Variants in SEPTIN3 observed in about 807,000 individuals in gnomAD.
SEPTIN3 encodes the protein neuronal-specific septin-3.
A neutral mutation model predicts 45.1 loss-of-function variants in SEPTIN3; 15 were observed. That is an observed-to-expected ratio of 0.33 (90% confidence interval 0.22 to 0.51). The LOEUF is 0.51. Among genes scored for constraint, SEPTIN3 ranks in the 20% least tolerant of loss-of-function variants. The pLI, the probability that SEPTIN3 is intolerant of heterozygous loss-of-function variation, is 0.97. For missense variants in SEPTIN3, 289 were observed against 457.2 expected, an observed-to-expected ratio of 0.63 and a Z score of 3.35; for synonymous variants, 148 against 164.8, an observed-to-expected ratio of 0.90 and a Z score of 0.78.
chr22:41,992,138 G>A (rs934521933), intron 8 of SEPTIN3, among the ~76,000 whole-genome samples: 22 of 152,168 alleles, frequency 1.4e-4, no homozygotes, highest in African/African-American at 5.3e-4. Flanking sequence ...CAGCACTTTG[G>A]GAGGCCTAGG....
In SEPTIN3 at chr22:41,998,088, T is replaced by C. The variant is rs1223459694; in HGVS notation, c.*1121T>C. On this transcript the variant is annotated 3_prime_UTR_variant, in exon 12 of 12. Transcript: ENST00000644076. ...CAACCCGTTTCTTAAATGTTACCAG[T>C]CCCAGCCAATCTTACGGTGACATTA... 1 of 152,668 alleles carries C rather than the reference T, an allele frequency of 6.6e-6. No homozygotes were observed. Among genetic ancestry groups the C allele is most frequent in the Admixed American group, 6.5e-5 (1 of 15,290 alleles). 9.5% of individuals were successfully genotyped at this position (152,668 alleles called of 1,614,324 possible). A position where few individuals can be genotyped will look rare whatever the true frequency, so the allele number is the denominator to read the frequency against.
rs941672706 is a variant in SEPTIN3, at chr22:41,991,416, T to G, written c.2164-157T>G. Reference sequence around the variant, plus strand: ...AGCTGGGGCTTGCATTTATTCACCATCTTCCTGCTGCTCAGGGTCTCAGAG... The same window carrying G: ...AGCTGGGGCTTGCATTTATTCACCAGCTTCCTGCTGCTCAGGGTCTCAGAG... On this transcript the variant is annotated intron_variant, in intron 7 of 11. Transcript: ENST00000644076. Among the ~76,000 whole-genome samples the G allele has an allele frequency of 3.9e-5, 6 of 152,288 alleles. No homozygotes were observed. The South Asian group carries it at 6.2e-4, about 16-fold the overall frequency.
chr22:41,977,399 TGA>T (rs1264366722), intron 2 of SEPTIN3, among the ~76,000 whole-genome samples: 2 of 151,852 alleles, frequency 1.3e-5, no homozygotes, highest in Admixed American at 1.3e-4. Context: ...GCCAGCCGGA[TGA>T]GAGACCTGTG....
intron 11 of SEPTIN3, chr22:41,995,775 C>T (rs1357736750): frequency 1.0e-6 from 1 of 960,418 alleles, no homozygotes; most frequent in East Asian, 1.1e-4. Flanking sequence ...CCTGAGCTCA[C>T]AGGCAGCCAA....
intron 4 of SEPTIN3, among the ~76,000 whole-genome samples, chr22:41,986,523 G>A (rs552414429): frequency 9.2e-5 from 14 of 151,910 alleles, no homozygotes; most frequent in Admixed American, 7.9e-4. Flanking sequence ...TTTTTGAGAC[G>A]GAGTCTTGCT....
At position 41,987,733 on chromosome 22, in the gene SEPTIN3, T is replaced by C. The variant is rs1029498668; in HGVS notation, c.2019T>C (p.Leu673=). 2 of 1,613,768 alleles carry C rather than the reference T, an allele frequency of 1.2e-6. No homozygotes were observed. Among genetic ancestry groups the C allele is most frequent in the Non-Finnish European group, 1.7e-6 (2 of 1,179,834 alleles). Residue 673 remains leucine (L), a synonymous_variant, in exon 6 of 12, where the codon CTT becomes CTC. Coordinates refer to ENST00000644076, the MANE Select transcript of SEPTIN3 (RefSeq NM_001363845.2). ...RIPDTRVHCC[L]YFISPTGHSL... ...CTGACACTCGTGTCCACTGCTGCCT[T>C]TACTTCATCTCTCCCACAGGACACT...
rs1325107007 is a variant in SEPTIN3 at position 41,971,640 on chromosome 22, C to G, written c.148C>G (p.Leu50Val). ...PGGGSPLTPVLRKTIHLDTFP... is the reference protein window; with the variant it reads ...PGGGSPLTPVVRKTIHLDTFP... ...AGGAGGGTCCCCCCTCACCCCCGTC[C>G]TCAGGAAGACCATCCATCTGGATAC... Residue 50 changes from leucine to valine, a missense_variant, in exon 2 of 12, where the codon CTC becomes GTC. Transcript: ENST00000644076. The G allele has an allele frequency of 2.5e-6, 1 of 398,978 alleles. No homozygotes were observed. Among genetic ancestry groups the G allele is most frequent in the African/African-American group, 2.1e-5 (1 of 48,594 alleles). 24.7% of individuals were successfully genotyped at this position (398,978 alleles called of 1,614,324 possible). A position where few individuals can be genotyped will look rare whatever the true frequency, so the allele number is the denominator to read the frequency against.
At position 41,987,197 on chromosome 22, in the gene SEPTIN3, C is replaced by T. The variant is rs1218964880; in HGVS notation, c.1826-9C>T. 6 of 1,610,418 alleles carry T rather than the reference C, an allele frequency of 3.7e-6. No individual in the cohort carries two copies. In the African/African-American group the frequency reaches 6.7e-5, roughly 18 times the overall value. On this transcript the variant is annotated splice_polypyrimidine_tract_variant and intron_variant, in intron 4 of 11. Coordinates refer to ENST00000644076, the MANE Select transcript of SEPTIN3 (RefSeq NM_001363845.2). ...TGACCTCTCTGGTACATTTTCTTTT[C>T]ACCCCCAGTGATAGAGGAAGGCGGT...
At position 41,976,794 on chromosome 22, in the gene SEPTIN3, A is replaced by AGCG. The variant is rs1490234679; in HGVS notation, c.1504+3807_1504+3809dup. ...CGCGCGGTCACGTGGTGCGGGTGGC[A>AGCG]GCGGCGGCGGCTGGCGGCGGCGGCA... On this transcript the variant is annotated intron_variant, in intron 2 of 11. Transcript: ENST00000644076. This position sits in a 1 kb window ranked among gnomAD's most constrained non-coding sequence, Gnocchi z 5.8. 1.3e-5 allele frequency: 2 copies of AGCG among 148,626 alleles called. No individual in the cohort carries two copies. The highest frequency in any genetic ancestry group is 2.0e-4 in the East Asian group (1 of 5,112). The allele number at this position is 148,626 out of a possible 1,614,324, so 9.2% of individuals were successfully genotyped here. A position where few individuals can be genotyped will look rare whatever the true frequency, so the allele number is the denominator to read the frequency against.
intron 1 of SEPTIN3, among the ~76,000 whole-genome samples, chr22:41,971,256 G>T (rs972987935): frequency 1.3e-5 from 2 of 152,266 alleles, no homozygotes; most frequent in South Asian, 4.1e-4. Flanking sequence ...TGGCCGGGGT[G>T]GGGTAGGTAT....
intron 3 of SEPTIN3, chr22:41,985,737 T>C (rs550863827): frequency 9.7e-4 from 329 of 340,412 alleles, no homozygotes; most frequent in African/African-American, 6.6e-3. Flanking sequence ...CTTTTCCCAG[T>C]GGTCCTGTGG....
At position 41,977,131 on chromosome 22, in the gene SEPTIN3, A is replaced by C. The variant is rs973374025; in HGVS notation, c.1504+4135A>C. On this transcript the variant is annotated intron_variant, in intron 2 of 11. Coordinates refer to ENST00000644076, the MANE Select transcript of SEPTIN3 (RefSeq NM_001363845.2). ...CCAGGAGGAGGCTGCGGCCCCGGCC[A>C]GCGCGGCTGGAGGCGCTCCTGGGGG... The C allele has an allele frequency of 2.6e-6, 4 of 1,554,176 alleles. No individual in the cohort carries two copies. In the African/African-American group the frequency reaches 4.2e-5, roughly 16 times the overall value.
At position 41,997,006 on chromosome 22, in the gene SEPTIN3, A is replaced by G; in HGVS notation, c.*39A>G. ...CGCTGCTTCTCACTCCATTCCTCTC[A>G]GCTGTTATTGCTGCAGGGCCAAGCC... On this transcript the variant is annotated 3_prime_UTR_variant, in exon 12 of 12. Transcript: ENST00000644076. The G allele has an allele frequency of 6.2e-7, 1 of 1,613,544 alleles. No homozygotes were observed. Among genetic ancestry groups the G allele is most frequent in the Non-Finnish European group, 8.5e-7 (1 of 1,179,760 alleles).
chr22:41,995,007 T>G (rs1276585477), intron 11 of SEPTIN3: 1 of 1,294,128 alleles, frequency 7.7e-7, no homozygotes, highest in African/African-American at 1.5e-5. Context: ...CCCTTGTAAG[T>G]TTGGCTCCTC....
chr22:41,977,052 C>CA, intron 2 of SEPTIN3: 1 of 1,601,448 alleles, frequency 6.2e-7, no homozygotes, highest in Non-Finnish European at 8.5e-7. Flanking sequence ...GGAACGGAGA[C>CA]AAAGGAGGAT....
chr22:41,973,689 A>T (rs1451337335), intron 2 of SEPTIN3, among the ~76,000 whole-genome samples: 3 of 151,544 alleles, frequency 2.0e-5, no homozygotes, highest in African/African-American at 7.3e-5. Context: ...ATAAAAAAAT[A>T]AAAAATAAGG....
In SEPTIN3 at chr22:41,971,831, C is replaced by T. The variant is rs112395139; in HGVS notation, c.339C>T (p.Leu113=). The T allele has an allele frequency of 1.3e-3, 507 of 399,354 alleles. 2 individuals are homozygous for T. Among genetic ancestry groups the T allele is most frequent in the African/African-American group, 9.4e-3 (456 of 48,764 alleles). The allele number at this position is 399,354 out of a possible 1,614,324, so 24.7% of individuals were successfully genotyped here. Residue 113 remains leucine, a synonymous_variant, in exon 2 of 12, where the codon CTC becomes CTT. Coordinates refer to ENST00000644076, the MANE Select transcript of SEPTIN3 (RefSeq NM_001363845.2). ...PRKLSSISLT[L]HQNSQARSLD... ...AGCTCAGCTCCATCTCCTTGACTCTCCATCAGAACAGCCAGGCACGGTCCC... is the reference window on the plus strand; with the variant it reads ...AGCTCAGCTCCATCTCCTTGACTCTTCATCAGAACAGCCAGGCACGGTCCC...
chr22:41,996,790 T>TA (rs2078448594), intron 11 of SEPTIN3, 112 bp from the exon 12 acceptor site: 1 of 1,547,698 alleles, frequency 6.5e-7, no homozygotes, highest in Non-Finnish European at 8.7e-7. Flanking sequence ...TGAGTAGGAA[T>TA]GGTGCCTGGC....
intron 3 of SEPTIN3, among the ~76,000 whole-genome samples, chr22:41,982,432 C>T (rs1053416138): frequency 6.6e-6 from 1 of 152,170 alleles, no homozygotes. Flanking sequence ...CGCTCGAACC[C>T]GGGAGGTGGA....
Sources: allele counts gnomAD v4.1 joint callset (sites outside exome capture counted in the v4.1 genomes callset), GRCh38; gene constraint gnomAD v4.1.1; non-coding constraint Gnocchi (gnomAD v3.1); transcripts MANE v1.5; gene names NCBI Gene and HGNC (gene_info 2026-07-23, HGNC 2026-07-21).